The following CACNA2D3 variants were observed in gnomAD, a reference collection of about 807,000 sequenced individuals.
CACNA2D3 encodes the protein voltage-dependent calcium channel subunit alpha-2/delta-3.
Under a neutral mutation model 160.6 loss-of-function variants are expected in CACNA2D3, and 60 were observed. That is an observed-to-expected ratio of 0.37 (90% CI 0.30 to 0.46). The LOEUF is 0.46. Ranked by LOEUF, CACNA2D3 falls within the 20% of genes least tolerant of loss-of-function variation. The pLI, the probability that CACNA2D3 is intolerant of heterozygous loss-of-function variation, is 1.00. For synonymous variants in CACNA2D3, 558 were observed against 492.9 expected (o/e 1.13, Z -1.75); for missense variants, 1,205 against 1,365.0 (o/e 0.88, Z 1.85).
chr3:54,646,194 GCTTCCTTCCTTCCTTCCTTCCTTC>G (rs1169806180), intron 11 of CACNA2D3, among the ~76,000 whole-genome samples: 11 of 13,460 alleles, frequency 8.2e-4, no homozygotes, highest in African/African-American at 1.6e-3. Flanking sequence ...CTCCTTCCTT[GCTTCCTTCCTTCCTTCCTTCCTTC>G]CTTCCTTCCT....
At chr3:54,944,812 GGGGTGTGTGT>G (rs1182601285) in intron 27 of CACNA2D3, among the ~76,000 whole-genome samples, 5 of 146,268 alleles carry the variant, frequency 3.4e-5, no homozygotes, top group African/African-American at 1.3e-4. Context: ...GTTAGAGCTG[GGGGTGTGTGT>G]GTGTGTGTGT....
At chr3:54,885,118 C>T (rs1358758636) in intron 21 of CACNA2D3, among the ~76,000 whole-genome samples, 163 bp from the exon 22 acceptor site, 5 of 151,996 alleles carry the variant, frequency 3.3e-5, no homozygotes, top group Non-Finnish European at 7.4e-5. Context: ...GAAGGGAACT[C>T]GTTTATTTTC....
At chr3:54,708,689 T>A (rs976129255) in intron 11 of CACNA2D3, among the ~76,000 whole-genome samples, 12 of 152,216 alleles carry the variant, frequency 7.9e-5, no homozygotes, top group African/African-American at 2.4e-4. Flanking sequence ...ATTTGTAAGT[T>A]AAGCCATAAT....
At chr3:54,997,809 A>G (rs1702892588) in intron 31 of CACNA2D3, among the ~76,000 whole-genome samples, 1 of 152,236 alleles carries the variant, frequency 6.6e-6, no homozygotes, top group Non-Finnish European at 1.5e-5. Flanking sequence ...ACTGTTTTAA[A>G]CAAATGCCAA....
At chr3:54,586,738 C>T (rs1039669617) in intron 9 of CACNA2D3, among the ~76,000 whole-genome samples, 3 of 152,046 alleles carry the variant, frequency 2.0e-5, no homozygotes, top group Non-Finnish European at 4.4e-5. Flanking sequence ...TTCTCAAGCA[C>T]CTATGGAACA....
At chr3:54,882,007 G>A (rs978731522) in intron 21 of CACNA2D3, among the ~76,000 whole-genome samples, 7 of 152,192 alleles carry the variant, frequency 4.6e-5, no homozygotes, top group Non-Finnish European at 1.0e-4. Flanking sequence ...AAGGAGAGTA[G>A]AGAGGCTCAC....
At chr3:55,001,419 G>A (rs906040884) in intron 31 of CACNA2D3, among the ~76,000 whole-genome samples, 37 of 152,316 alleles carry the variant, frequency 2.4e-4, no homozygotes, top group Non-Finnish European at 4.3e-4. Flanking sequence ...TCTGCCTCCT[G>A]TTGGAATACT....
intron 9 of CACNA2D3, among the ~76,000 whole-genome samples, chr3:54,622,217 G>A (rs1004755957): frequency 1.9e-4 from 29 of 152,210 alleles, no homozygotes; most frequent in African/African-American, 6.5e-4. Flanking sequence ...CAGGGGTTCA[G>A]TTGGTAAATG....
chr3:54,300,738 G>A (rs747148705), intron 2 of CACNA2D3, among the ~76,000 whole-genome samples: 1 of 152,162 alleles, frequency 6.6e-6, no homozygotes, highest in Non-Finnish European at 1.5e-5. Context: ...AACCATGCTG[G>A]GTGTGGTGGC....
intron 13 of CACNA2D3, among the ~76,000 whole-genome samples, chr3:54,788,915 C>T (rs1338290033): frequency 1.3e-5 from 2 of 152,002 alleles, no homozygotes; most frequent in Non-Finnish European, 2.9e-5. Flanking sequence ...ATTCTTAGTA[C>T]CTGGTATGTA....
At chr3:54,229,631 G>T (rs1024596210) in intron 2 of CACNA2D3, among the ~76,000 whole-genome samples, 2 of 152,100 alleles carry the variant, frequency 1.3e-5, no homozygotes, top group Non-Finnish European at 2.9e-5. Context: ...CACCATGCCC[G>T]GCCTAAAGTT....
intron 11 of CACNA2D3, among the ~76,000 whole-genome samples, chr3:54,680,214 C>G (rs1700317012): frequency 6.6e-6 from 1 of 152,060 alleles, no homozygotes; most frequent in Non-Finnish European, 1.5e-5. Context: ...GTCCCTGGAT[C>G]AAATGTGTGG....
intron 11 of CACNA2D3, among the ~76,000 whole-genome samples, chr3:54,736,041 A>T (rs1209067849): frequency 0.16 from 7,666 of 47,396 alleles, 569 homozygotes; most frequent in Non-Finnish European, 0.23. Context: ...ATATGTATAT[A>T]TATACACATA....
At chr3:54,369,761 A>G (rs375384198) in intron 3 of CACNA2D3, among the ~76,000 whole-genome samples, 9 of 152,186 alleles carry the variant, frequency 5.9e-5, no homozygotes, top group Non-Finnish European at 1.0e-4. Context: ...TCCTGGCCTC[A>G]GTAGTGGCAA....
At chr3:54,957,460 T>G (rs1488749963) in intron 27 of CACNA2D3, among the ~76,000 whole-genome samples, 1 of 152,160 alleles carries the variant, frequency 6.6e-6, no homozygotes, top group African/African-American at 2.4e-5. Flanking sequence ...TAAAATAATT[T>G]TCATCATGGA....
chr3:54,979,697 A>T (rs1476951172), intron 29 of CACNA2D3, among the ~76,000 whole-genome samples: 1 of 152,180 alleles, frequency 6.6e-6, no homozygotes, highest in Non-Finnish European at 1.5e-5. Context: ...CTGTTCTGTC[A>T]TGAACATTTC....
At chr3:54,881,799 A>G (rs1249628476) in intron 21 of CACNA2D3, among the ~76,000 whole-genome samples, 2 of 152,218 alleles carry the variant, frequency 1.3e-5, no homozygotes, top group Admixed American at 6.5e-5. Context: ...TTACACATGT[A>G]TGTGGTGAGT....
In CACNA2D3 at chr3:54,453,225, T is replaced by C. The variant is rs191813739; in HGVS notation, c.382-50267T>C. Among the ~76,000 whole-genome samples the C allele has an allele frequency of 3.0e-3, 459 of 152,292 alleles. 3 individuals are homozygous for C. The highest frequency in any genetic ancestry group is 0.011 in the African/African-American group (440 of 41,576). ...CCATGCTAGCCTTGAATTTCTAGGCTCAAGTTATCTGCCCTCCTTAACCTC... is the reference window on the plus strand; with the variant it reads ...CCATGCTAGCCTTGAATTTCTAGGCCCAAGTTATCTGCCCTCCTTAACCTC... On this transcript the variant is annotated intron_variant, in intron 4 of 37. Transcript: ENST00000474759.
intron 2 of CACNA2D3, among the ~76,000 whole-genome samples, chr3:54,206,365 G>A (rs540299286): frequency 6.6e-6 from 1 of 152,248 alleles, no homozygotes; most frequent in Admixed American, 6.5e-5. Flanking sequence ...AAAATTTTGA[G>A]CTGAGCTCAG....
Sources: allele counts gnomAD v4.1 joint callset (sites outside exome capture counted in the v4.1 genomes callset), GRCh38; gene constraint gnomAD v4.1.1; transcripts MANE v1.5; gene names NCBI Gene and HGNC (gene_info 2026-07-23, HGNC 2026-07-21).